MARCHF7: variants seen among roughly 807,000 people sequenced by gnomAD.
MARCHF7 encodes the protein membrane associated ring-CH-type finger 7.
A neutral mutation model predicts 76.5 loss-of-function variants in MARCHF7; 20 were observed. The observed-to-expected ratio is 0.26, with a 90% CI of 0.18 to 0.38. MARCHF7 has a LOEUF of 0.38. Among genes scored for constraint, MARCHF7 ranks in the 10% least tolerant of loss-of-function variants. The pLI is 1.00. For missense variants in MARCHF7, 797 were observed against 812.9 expected, an observed-to-expected ratio of 0.98 and a Z score of 0.24; for synonymous variants, 295 against 293.0, an observed-to-expected ratio of 1.01 and a Z score of -0.07.
chr2:159,726,113 A>G (rs1272858689), intron 3 of MARCHF7, among the ~76,000 whole-genome samples: 2 of 152,180 alleles, frequency 1.3e-5, no homozygotes, highest in African/African-American at 4.8e-5. Flanking sequence ...GTAGGGACAC[A>G]AGAGTGTTAC....
intron 4 of MARCHF7, among the ~76,000 whole-genome samples, chr2:159,729,392 TG>T (rs1447234926): frequency 6.6e-6 from 1 of 152,148 alleles, no homozygotes; most frequent in Non-Finnish European, 1.5e-5. Context: ...ACTTTTGCGC[TG>T]GGAACGGTGG....
intron 8 of MARCHF7, 83 bp downstream of exon 8, chr2:159,752,654 T>G: frequency 1.6e-6 from 2 of 1,226,682 alleles, no homozygotes; most frequent in Non-Finnish European, 2.2e-6. Flanking sequence ...TTATAGATTG[T>G]TGAATTTAGA....
chr2:159,753,368 G>A (rs13010216), intron 8 of MARCHF7, among the ~76,000 whole-genome samples: 1 of 151,876 alleles, frequency 6.6e-6, no homozygotes, highest in African/African-American at 2.4e-5. Context: ...TCAGGAGATC[G>A]AGACCATCCT....
intron 9 of MARCHF7, 66 bp from the exon 10 acceptor site, chr2:159,762,814 A>G (rs1707277018): frequency 1.1e-6 from 1 of 909,464 alleles, no homozygotes; most frequent in Admixed American, 2.1e-5. Context: ...GTGAGTATCA[A>G]TCTCAATTCT....
At chr2:159,738,103 C>T (rs566756805) in intron 4 of MARCHF7, among the ~76,000 whole-genome samples, 8 of 152,272 alleles carry the variant, frequency 5.3e-5, no homozygotes, top group African/African-American at 1.4e-4. Context: ...GTCCGGCCAC[C>T]GTTTACAGCC....
intron 10 of MARCHF7, among the ~76,000 whole-genome samples, chr2:159,764,405 T>A (rs891323492): frequency 3.3e-5 from 5 of 152,042 alleles, no homozygotes; most frequent in Non-Finnish European, 7.4e-5. Flanking sequence ...CTCCCAATTT[T>A]AAAAAACTGG....
chr2:159,767,485 GTA>G lies in MARCHF7; in HGVS notation c.*153_*154del, dbSNP rs1553788977. 6.3e-5 allele frequency: 32 copies of G among 509,122 alleles called. No homozygotes were observed. The highest frequency in any genetic ancestry group is 1.5e-4 in the South Asian group (5 of 33,738). The allele number at this position is 509,122 out of a possible 1,614,324, so 31.5% of individuals were successfully genotyped here. A position where few individuals can be genotyped will look rare whatever the true frequency, so the allele number is the denominator to read the frequency against. ...AATATATACATACACATGTATGCCT[GTA>G]TATATATATTCATTCTCCAGTGTTG... On this transcript the variant is annotated 3_prime_UTR_variant, in exon 12 of 12. Coordinates refer to ENST00000409175, the MANE Select transcript of MARCHF7 (RefSeq NM_001282805.2).
At chr2:159,763,482 T>C (rs1707354637) in intron 10 of MARCHF7, among the ~76,000 whole-genome samples, 3 of 152,250 alleles carry the variant, frequency 2.0e-5, no homozygotes, top group African/African-American at 4.8e-5. Context: ...CTGTGTGTGC[T>C]ATTAGCCATA....
intron 3 of MARCHF7, among the ~76,000 whole-genome samples, chr2:159,723,353 C>G (rs1244518975): frequency 6.6e-6 from 1 of 152,184 alleles, no homozygotes; most frequent in East Asian, 1.9e-4. Context: ...TTTTAAGAGA[C>G]AGCGTAGGTA....
intron 4 of MARCHF7, among the ~76,000 whole-genome samples, chr2:159,737,577 C>G (rs1210633269): frequency 6.6e-6 from 1 of 152,144 alleles, no homozygotes; most frequent in Admixed American, 6.5e-5. Flanking sequence ...TGCTTGAACC[C>G]AGGAATTTGA....
At chr2:159,739,514 A>T (rs1703876007) in intron 4 of MARCHF7, among the ~76,000 whole-genome samples, 1 of 152,238 alleles carries the variant, frequency 6.6e-6, no homozygotes, top group African/African-American at 2.4e-5. Context: ...CTACTTGTTT[A>T]AGGATTCGTC....
At position 159,767,608 on chromosome 2, in the gene MARCHF7, T is replaced by C; in HGVS notation, c.*266T>C. ...TTTTTCTTTTAGGTGAGTGGGAAAGTATTACCCTTGTTTTAAATATCTAAG... is the reference window on the plus strand; with the variant it reads ...TTTTTCTTTTAGGTGAGTGGGAAAGCATTACCCTTGTTTTAAATATCTAAG... On this transcript the variant is annotated 3_prime_UTR_variant, in exon 12 of 12. Transcript: ENST00000409175. The C allele has an allele frequency of 3.5e-6, 1 of 282,896 alleles. No individual in the cohort carries two copies. Among genetic ancestry groups the C allele is most frequent in the Non-Finnish European group, 6.6e-6 (1 of 152,206 alleles). 17.5% of individuals were successfully genotyped at this position (282,896 alleles called of 1,614,324 possible).
chr2:159,764,430 T>G (rs1347346275), intron 10 of MARCHF7, among the ~76,000 whole-genome samples, 196 bp from the exon 11 acceptor site: 1 of 152,138 alleles, frequency 6.6e-6, no homozygotes, highest in Admixed American at 6.6e-5. Flanking sequence ...TACATGATTA[T>G]AAAGATTATA....
rs568528656 is a variant in MARCHF7, at chr2:159,717,045, A to C, written c.-15+1279A>C. Among the ~76,000 whole-genome samples, 29 of 152,318 alleles carry C rather than the reference A, an allele frequency of 1.9e-4. No homozygotes were observed. The East Asian group carries it at 2.3e-3, about 12-fold the overall frequency. On this transcript the variant is annotated intron_variant, in intron 3 of 11. Coordinates refer to ENST00000409175, the MANE Select transcript of MARCHF7 (RefSeq NM_001282805.2). ...GATTTCCCTGGCTGGGAGATCCAAGATGGCATCACTCATGTTTGGCAGCTA... is the reference window on the plus strand; with the variant it reads ...GATTTCCCTGGCTGGGAGATCCAAGCTGGCATCACTCATGTTTGGCAGCTA...
intron 3 of MARCHF7, among the ~76,000 whole-genome samples, chr2:159,727,370 G>A (rs956151737): frequency 2.6e-5 from 4 of 152,136 alleles, no homozygotes; most frequent in Non-Finnish European, 4.4e-5. Context: ...GGCAGATCAC[G>A]AAGTCAGGAG....
chr2:159,734,632 A>G (rs1404935367), intron 4 of MARCHF7, among the ~76,000 whole-genome samples: 3 of 152,092 alleles, frequency 2.0e-5, no homozygotes, highest in South Asian at 2.1e-4. Context: ...TTGGGTATCA[A>G]GAAAATTGCA....
At chr2:159,717,019 G>A (rs1460267285) in intron 3 of MARCHF7, among the ~76,000 whole-genome samples, 2 of 152,200 alleles carry the variant, frequency 1.3e-5, no homozygotes, top group Non-Finnish European at 2.9e-5. Flanking sequence ...TTCAGCTGGA[G>A]GATTTCCCTG....
chr2:159,736,223 T>C (rs1158466155), intron 4 of MARCHF7, among the ~76,000 whole-genome samples: 2 of 152,266 alleles, frequency 1.3e-5, no homozygotes, highest in Non-Finnish European at 2.9e-5. Context: ...TAGATCATTT[T>C]ACATTCCCTT....
rs762144328 is a variant in MARCHF7, at chr2:159,745,849, G to C, written c.426G>C (p.Glu142Asp). 1.2e-6 allele frequency: 2 copies of C among 1,613,052 alleles called. No individual in the cohort carries two copies. The highest frequency in any genetic ancestry group is 1.7e-6 in the Non-Finnish European group (2 of 1,179,280). Residue 142 changes from glutamate to aspartate, a missense_variant, in exon 6 of 12, where the codon GAG becomes GAC. Glu to Asp is a conservative substitution (Grantham distance 45). This residue lies in a region of MARCHF7 where 643 missense variants were observed against 631.5 expected (regional missense o/e 1.02). Coordinates refer to ENST00000409175, the MANE Select transcript of MARCHF7 (RefSeq NM_001282805.2). ...CATTTGGAACAGACTTAATGAGAGAGAGGAGAGATTTGGAGAGAAGAACAG... is the reference window on the plus strand; with the variant it reads ...CATTTGGAACAGACTTAATGAGAGACAGGAGAGATTTGGAGAGAAGAACAG... ...LGSFGTDLMR[E>D]RRDLERRTDS...
Sources: allele counts gnomAD v4.1 joint callset (sites outside exome capture counted in the v4.1 genomes callset), GRCh38; gene constraint gnomAD v4.1.1; regional missense constraint gnomAD v4.1.1; transcripts MANE v1.5; gene names NCBI Gene and HGNC (gene_info 2026-07-23, HGNC 2026-07-21).